The following PKIG variants were observed in gnomAD, a reference collection of about 807,000 sequenced individuals.
PKIG encodes the protein cAMP-dependent protein kinase inhibitor gamma.
In PKIG, 1 loss-of-function variant was observed where a neutral mutation model predicts 6.8. The observed-to-expected ratio is 0.15, with a 90% CI of 0.05 to 0.69. The LOEUF is 0.69. PKIG is among the 30% of genes least tolerant of loss of function. The pLI is 0.82. For missense variants in PKIG, 77 were observed against 104.0 expected (o/e 0.74, Z 1.13); for synonymous variants, 39 against 43.0 (o/e 0.91, Z 0.36).
chr20:44,616,746 G>GGC (rs2065268305), intron 3 of PKIG, among the ~76,000 whole-genome samples: 1 of 152,238 alleles, frequency 6.6e-6, no homozygotes, highest in African/African-American at 2.4e-5. Flanking sequence ...GAAGCCCGCA[G>GGC]GGAGCAGTTC....
intron 2 of PKIG, among the ~76,000 whole-genome samples, chr20:44,598,343 T>A (rs1342198528): frequency 6.6e-6 from 1 of 152,216 alleles, no homozygotes; most frequent in Non-Finnish European, 1.5e-5. Context: ...TAGAGGTCAT[T>A]AAGGCCAGCT....
chr20:44,562,810 C>G (rs1600854071), intron 1 of PKIG, among the ~76,000 whole-genome samples: 1 of 151,900 alleles, frequency 6.6e-6, no homozygotes, highest in Non-Finnish European at 1.5e-5. Context: ...TGTAATCCCA[C>G]CACTTTGGGA....
intron 1 of PKIG, among the ~76,000 whole-genome samples, chr20:44,537,379 A>G (rs1160675310): frequency 6.6e-6 from 1 of 152,146 alleles, no homozygotes; most frequent in Non-Finnish European, 1.5e-5. Context: ...CTGTGATTAC[A>G]GGTGTGAGCC....
chr20:44,586,852 A>G (rs1273784528), intron 1 of PKIG, among the ~76,000 whole-genome samples: 2 of 152,236 alleles, frequency 1.3e-5, no homozygotes, highest in African/African-American at 4.8e-5. Context: ...CTGATTATGA[A>G]TTGCAGATTA....
intron 2 of PKIG, among the ~76,000 whole-genome samples, chr20:44,613,402 A>T (rs1345809474): frequency 6.6e-6 from 1 of 152,006 alleles, no homozygotes; most frequent in Non-Finnish European, 1.5e-5. Flanking sequence ...TAGAACTACT[A>T]ATTTCATATC....
At chr20:44,548,105 G>C (rs2064632828) in intron 1 of PKIG, among the ~76,000 whole-genome samples, 1 of 152,144 alleles carries the variant, frequency 6.6e-6, no homozygotes, top group East Asian at 1.9e-4. Flanking sequence ...CTTGAACTTG[G>C]GAGGTGGAGG....
At chr20:44,598,295 G>A (rs2065091784) in intron 2 of PKIG, among the ~76,000 whole-genome samples, 2 of 152,220 alleles carry the variant, frequency 1.3e-5, no homozygotes, top group African/African-American at 4.8e-5. Context: ...CCTCATCTTG[G>A]AGGTGACACA....
chr20:44,541,063 A>C (rs866289176), intron 1 of PKIG, among the ~76,000 whole-genome samples: 1 of 152,202 alleles, frequency 6.6e-6, no homozygotes, highest in African/African-American at 2.4e-5. Flanking sequence ...GTTGGCTTCT[A>C]GGCATGGGAA....
chr20:44,539,308 G>A (rs1390984442), intron 1 of PKIG, among the ~76,000 whole-genome samples: 1 of 152,118 alleles, frequency 6.6e-6, no homozygotes, highest in Non-Finnish European at 1.5e-5. Flanking sequence ...GCCTGTATTA[G>A]ACCTGATTGA....
intron 1 of PKIG, among the ~76,000 whole-genome samples, chr20:44,569,334 G>A (rs570180919): frequency 1.3e-5 from 2 of 151,966 alleles, no homozygotes; most frequent in South Asian, 4.2e-4. Flanking sequence ...ATTTATTGTG[G>A]TTAGTGATCA....
At chr20:44,552,473 C>T (rs1488440371) in intron 1 of PKIG, among the ~76,000 whole-genome samples, 1 of 152,128 alleles carries the variant, frequency 6.6e-6, no homozygotes, top group African/African-American at 2.4e-5. Flanking sequence ...ATTGGAGTAG[C>T]CTTTTCTAGC....
At chr20:44,557,292 G>GGAA (rs1457811895) in intron 1 of PKIG, among the ~76,000 whole-genome samples, 1 of 152,128 alleles carries the variant, frequency 6.6e-6, no homozygotes, top group African/African-American at 2.4e-5. Flanking sequence ...GGGAGGCAAA[G>GGAA]GAAGGTGGGT....
At chr20:44,540,051 C>G (rs1461336549) in intron 1 of PKIG, among the ~76,000 whole-genome samples, 3 of 152,072 alleles carry the variant, frequency 2.0e-5, no homozygotes, top group African/African-American at 7.2e-5. Flanking sequence ...ACGTCCACCT[C>G]CAGGGTTCAA....
intron 1 of PKIG, among the ~76,000 whole-genome samples, chr20:44,539,075 C>T (rs537125129): frequency 1.3e-5 from 2 of 152,172 alleles, no homozygotes; most frequent in East Asian, 1.9e-4. Context: ...ATTACAGGCA[C>T]GTACCACCAT....
Position 44,614,515 on chromosome 20 carries a change from T to C in PKIG, c.-23-19T>C. Reference sequence around the variant, plus strand: ...TGCATCTGGACTTACCTCTGCCCCCTTGCCTTCTGTCCCCACAGGCCTGAG... The same window carrying C: ...TGCATCTGGACTTACCTCTGCCCCCCTGCCTTCTGTCCCCACAGGCCTGAG... On this transcript the variant is annotated intron_variant, in intron 2 of 3. Transcript: ENST00000372886. The surrounding 1 kb of genome is among the most constrained non-coding windows in gnomAD (Gnocchi z 4.6). The C allele has an allele frequency of 1.2e-6, 2 of 1,601,524 alleles. No homozygotes were observed. The highest frequency in any genetic ancestry group is 4.5e-5 in the East Asian group (2 of 44,774).
rs1177715891 is a variant in PKIG, at chr20:44,550,056, T to C, written c.-241+18078T>C. Among the ~76,000 whole-genome samples the C allele has an allele frequency of 2.0e-5, 3 of 151,040 alleles. No individual in the cohort carries two copies. The East Asian group carries it at 5.8e-4, about 29-fold the overall frequency. On this transcript the variant is annotated intron_variant, in intron 1 of 4. Transcript: ENST00000372887. ...GGAATTTTATCTAGCACCTGAGGTA[T>C]ACCTTAGTTTTTTATGTATTGAATC...
chr20:44,582,067 G>A (rs1226352859), upstream of PKIG, among the ~76,000 whole-genome samples: 1 of 152,126 alleles, frequency 6.6e-6, no homozygotes, highest in African/African-American at 2.4e-5. Flanking sequence ...GCCTTCCCCG[G>A]GGGCACACAT....
intron 2 of PKIG, among the ~76,000 whole-genome samples, chr20:44,606,508 C>G (rs974245760): frequency 2.6e-5 from 4 of 152,020 alleles, no homozygotes; most frequent in Non-Finnish European, 4.4e-5. Flanking sequence ...GATTAGGCAC[C>G]TTTTATAAAA....
At chr20:44,598,910 C>T (rs1177033972) in intron 2 of PKIG, 1 of 152,150 alleles carries the variant, frequency 6.6e-6, no homozygotes, top group Admixed American at 6.5e-5. Context: ...TTAAAAAATT[C>T]ATACCCCAAA....
Sources: allele counts gnomAD v4.1 joint callset (sites outside exome capture counted in the v4.1 genomes callset), GRCh38; gene constraint gnomAD v4.1.1; non-coding constraint Gnocchi (gnomAD v3.1); transcripts MANE v1.5; gene names NCBI Gene and HGNC (gene_info 2026-07-23, HGNC 2026-07-21).